Variants in TAFA1 observed in about 807,000 individuals in gnomAD.
The protein encoded by TAFA1 is TAFA chemokine like family member 1, also known as chemokine-like protein TAFA-1.
TAFA1 carries 4 observed loss-of-function variants against 18.5 expected under a neutral mutation model. The ratio of observed to expected loss-of-function variants is 0.22; its 90% confidence interval spans 0.11 to 0.49. The LOEUF is 0.49. TAFA1 is among the 20% of genes least tolerant of loss of function. TAFA1 has a pLI of 0.98. For missense variants in TAFA1, 147 were observed against 169.0 expected, an observed-to-expected ratio of 0.87 and a Z score of 0.72; for synonymous variants, 56 against 55.2, an observed-to-expected ratio of 1.01 and a Z score of -0.06.
At chr3:68,520,562 A>G (rs906555726) in intron 3 of TAFA1, among the ~76,000 whole-genome samples, 4 of 152,240 alleles carry the variant, frequency 2.6e-5, no homozygotes, top group Admixed American at 1.3e-4. Context: ...TCTCTAGGCC[A>G]TAACAGTTAG....
At chr3:68,367,171 T>A (rs2069591210) in intron 2 of TAFA1, among the ~76,000 whole-genome samples, 2 of 152,232 alleles carry the variant, frequency 1.3e-5, no homozygotes, top group Non-Finnish European at 2.9e-5. Context: ...TGCCTATTTT[T>A]AAGACCCACC....
At chr3:68,260,758 C>A (rs527671831) in intron 2 of TAFA1, among the ~76,000 whole-genome samples, 2 of 152,018 alleles carry the variant, frequency 1.3e-5, no homozygotes, top group African/African-American at 2.4e-5. Context: ...ACACCTTATA[C>A]GAAAATCAAT....
At chr3:68,473,520 C>T (rs1043381333) in intron 3 of TAFA1, among the ~76,000 whole-genome samples, 1 of 152,096 alleles carries the variant, frequency 6.6e-6, no homozygotes, top group Non-Finnish European at 1.5e-5. Flanking sequence ...ATCTAGTGGT[C>T]TTACTAGCAG....
At chr3:68,357,370 GTT>G (rs1433701685) in intron 2 of TAFA1, among the ~76,000 whole-genome samples, 2 of 121,244 alleles carry the variant, frequency 1.6e-5, no homozygotes, top group African/African-American at 6.0e-5. Flanking sequence ...GGAAGGGTCT[GTT>G]TGTTTTCAGA....
chr3:68,189,034 C>G (rs757577865), intron 2 of TAFA1, among the ~76,000 whole-genome samples: 2 of 151,808 alleles, frequency 1.3e-5, no homozygotes, highest in Non-Finnish European at 2.9e-5. Flanking sequence ...ATTATGTTCT[C>G]AGGGACTGAT....
chr3:68,484,223 C>G (rs183489614), intron 3 of TAFA1, among the ~76,000 whole-genome samples: 1 of 152,228 alleles, frequency 6.6e-6, no homozygotes, highest in East Asian at 1.9e-4. Context: ...AGACTTATAG[C>G]GTATCTCATT....
chr3:68,327,388 A>C (rs2106720440), intron 2 of TAFA1, among the ~76,000 whole-genome samples: 1 of 152,284 alleles, frequency 6.6e-6, no homozygotes, highest in Non-Finnish European at 1.5e-5. Flanking sequence ...ATGTATTTGT[A>C]AGAAATACAT....
At chr3:68,064,722 T>G (rs1368932735) in intron 2 of TAFA1, among the ~76,000 whole-genome samples, 2 of 151,728 alleles carry the variant, frequency 1.3e-5, no homozygotes, top group Non-Finnish European at 2.9e-5. Flanking sequence ...TTTGTGTAAT[T>G]TTTTTTGCCA....
At chr3:68,516,340 A>T (rs186772202) in intron 3 of TAFA1, among the ~76,000 whole-genome samples, 44 of 152,302 alleles carry the variant, frequency 2.9e-4, no homozygotes, top group African/African-American at 9.6e-4. Flanking sequence ...AAGATACTAG[A>T]TTGATGACTT....
At chr3:68,347,729 A>G (rs553243282) in intron 2 of TAFA1, among the ~76,000 whole-genome samples, 1 of 152,338 alleles carries the variant, frequency 6.6e-6, no homozygotes, top group Non-Finnish European at 1.5e-5. Flanking sequence ...CTTTACTTAT[A>G]AAGAGTAGAG....
chr3:68,490,398 C>A (rs562214329), intron 3 of TAFA1, among the ~76,000 whole-genome samples: 7 of 141,832 alleles, frequency 4.9e-5, no homozygotes, highest in African/African-American at 1.0e-4. Flanking sequence ...GCTTTTAATA[C>A]GAAAGAAAAA....
intron 3 of TAFA1, among the ~76,000 whole-genome samples, chr3:68,489,806 T>G (rs1246043631): frequency 6.8e-6 from 1 of 147,328 alleles, no homozygotes; most frequent in Admixed American, 7.0e-5. Context: ...AAGAAACCAG[T>G]GAAAAGTTAT....
chr3:68,293,739 C>T (rs1263547649), intron 2 of TAFA1, among the ~76,000 whole-genome samples: 1 of 152,110 alleles, frequency 6.6e-6, no homozygotes, highest in East Asian at 1.9e-4. Context: ...AAACAGAAGT[C>T]AGGGCAAAGA....
intron 2 of TAFA1, among the ~76,000 whole-genome samples, chr3:68,311,853 T>G (rs2106680064): frequency 1.3e-5 from 2 of 152,330 alleles, no homozygotes; most frequent in African/African-American, 4.8e-5. Flanking sequence ...GGACTCTGTG[T>G]GGAGCTGTGA....
At chr3:68,055,156 C>T (rs1246771296) in intron 2 of TAFA1, among the ~76,000 whole-genome samples, 2 of 151,980 alleles carry the variant, frequency 1.3e-5, no homozygotes, top group South Asian at 2.1e-4. Flanking sequence ...TGCCATAGTG[C>T]GTGATAGAAA....
chr3:68,362,878 C>T (rs1440158372), intron 2 of TAFA1, among the ~76,000 whole-genome samples: 3 of 147,442 alleles, frequency 2.0e-5, no homozygotes, highest in South Asian at 2.2e-4. Flanking sequence ...TAGTACATAA[C>T]GAGTAATAGA....
At chr3:68,317,064 A>G (rs902131491) in intron 2 of TAFA1, among the ~76,000 whole-genome samples, 1 of 152,218 alleles carries the variant, frequency 6.6e-6, no homozygotes, top group African/African-American at 2.4e-5. Flanking sequence ...AAAGTAAGTC[A>G]AACTAAATAC....
At chr3:68,098,224 A>G (rs2065109678) in intron 2 of TAFA1, among the ~76,000 whole-genome samples, 1 of 151,856 alleles carries the variant, frequency 6.6e-6, no homozygotes, top group African/African-American at 2.4e-5. Flanking sequence ...AAAAAGCACA[A>G]CCTCTCAACT....
intron 2 of TAFA1, among the ~76,000 whole-genome samples, chr3:68,268,757 T>C (rs2067599018): frequency 6.6e-6 from 1 of 152,118 alleles, no homozygotes; most frequent in Non-Finnish European, 1.5e-5. Context: ...CTGCTAATGT[T>C]GCTTAACTCA....
Sources: gnomAD v4.1 joint callset for allele counts (sites outside exome capture counted in the v4.1 genomes callset) on GRCh38, gnomAD v4.1.1 for gene constraint, MANE v1.5 for transcripts, NCBI Gene and HGNC (gene_info 2026-07-23, HGNC 2026-07-21) for gene names.